CERT1: variants seen among roughly 807,000 people sequenced by gnomAD.
CERT1 encodes ceramide transfer protein.
CERT1 carries 31 observed loss-of-function variants against 87.9 expected under a neutral mutation model. The ratio of observed to expected loss-of-function variants is 0.35; its 90% CI spans 0.27 to 0.48. The LOEUF (loss-of-function observed/expected upper bound fraction) is 0.48. Among genes scored for constraint, CERT1 ranks in the 20% least tolerant of loss-of-function variants. CERT1 has a pLI of 0.99. For missense variants in CERT1, 487 were observed against 758.0 expected, an observed-to-expected ratio of 0.64 and a Z score of 4.20; for synonymous variants, 289 against 250.9, an observed-to-expected ratio of 1.15 and a Z score of -1.44.
chr5:75,503,904 A>ATTAAACATTAAATTTTT (rs1324645059), intron 2 of CERT1, among the ~76,000 whole-genome samples: 1 of 29,484 alleles, frequency 3.4e-5, no homozygotes, highest in African/African-American at 1.3e-4. Context: ...TTTAAATTAA[A>ATTAAACATTAAATTTTT]TGTTTAATTT....
chr5:75,447,439 A>T (rs189418630), intron 3 of CERT1, among the ~76,000 whole-genome samples: 8 of 136,100 alleles, frequency 5.9e-5, no homozygotes, highest in South Asian at 2.4e-4. Flanking sequence ...TTCCTTTTTT[A>T]AAAAAAATTT....
intron 3 of CERT1, among the ~76,000 whole-genome samples, chr5:75,458,621 G>C (rs2112309051): frequency 1.3e-5 from 2 of 151,264 alleles, no homozygotes; most frequent in African/African-American, 4.9e-5. Flanking sequence ...GCCCAATCTT[G>C]GCTTACCGCA....
chr5:75,386,594 T>C (rs1471863738), intron 12 of CERT1, among the ~76,000 whole-genome samples: 1 of 152,224 alleles, frequency 6.6e-6, no homozygotes, highest in African/African-American at 2.4e-5. Context: ...TTATAGAGTT[T>C]GCTACTTTAG....
Position 75,384,627 on chromosome 5 carries a change from T to TC in CERT1, c.1488+14_1488+15insG. On this transcript the variant is annotated intron_variant, in intron 14 of 16. Transcript: ENST00000643780. ...TACATTGAAATCCTTTTAGGATGAA[T>TC]GAAGAGATCTTTACCTTGTGTGTTT... 6.4e-7 allele frequency: 1 copy of TC among 1,556,474 alleles called. No homozygotes were observed.
At chr5:75,507,653 A>T (rs988405346) in intron 1 of CERT1, among the ~76,000 whole-genome samples, 1 of 152,232 alleles carries the variant, frequency 6.6e-6, no homozygotes, top group African/African-American at 2.4e-5. Flanking sequence ...ACTTCTGCTC[A>T]GAGTTAGTGT....
intron 3 of CERT1, among the ~76,000 whole-genome samples, chr5:75,456,308 A>G (rs1324019018): frequency 2.0e-5 from 3 of 152,168 alleles, no homozygotes; most frequent in African/African-American, 7.2e-5. Flanking sequence ...TTACTTTAGT[A>G]CATTAAATAA....
intron 2 of CERT1, among the ~76,000 whole-genome samples, chr5:75,460,279 C>T (rs532734176): frequency 4.8e-4 from 73 of 152,232 alleles, no homozygotes; most frequent in Middle Eastern, 6.8e-3. Flanking sequence ...AAAATGTTAA[C>T]ATTTCCCTTT....
intron 3 of CERT1, among the ~76,000 whole-genome samples, chr5:75,443,019 G>A (rs1764389243): frequency 6.6e-6 from 1 of 152,110 alleles, no homozygotes; most frequent in Admixed American, 6.6e-5. Flanking sequence ...TCCACTTGGG[G>A]TCTTGGAACA....
intron 11 of CERT1, 98 bp from the exon 12 acceptor site, chr5:75,389,785 C>G: frequency 1.1e-6 from 1 of 886,470 alleles, no homozygotes; most frequent in Non-Finnish European, 1.8e-6. Flanking sequence ...AAATGGTGCT[C>G]TTAGTAGCTG....
chr5:75,488,828 C>T (rs1265242298), intron 2 of CERT1, among the ~76,000 whole-genome samples: 1 of 152,170 alleles, frequency 6.6e-6, no homozygotes, highest in African/African-American at 2.4e-5. Context: ...TACCCAGTAT[C>T]CTTTTCAATG....
chr5:75,391,250 T>C (rs2112039342), intron 11 of CERT1, among the ~76,000 whole-genome samples: 1 of 152,346 alleles, frequency 6.6e-6, no homozygotes, highest in South Asian at 2.1e-4. Context: ...ACTCTGGGAA[T>C]ATAATTTTCT....
At chr5:75,470,154 G>A (rs888312511) in intron 2 of CERT1, among the ~76,000 whole-genome samples, 1 of 152,062 alleles carries the variant, frequency 6.6e-6, no homozygotes, top group Admixed American at 6.6e-5. Context: ...CATCTAGAGA[G>A]AAAATTAACA....
chr5:75,502,610 A>C (rs1215773730), intron 2 of CERT1, among the ~76,000 whole-genome samples: 1 of 152,114 alleles, frequency 6.6e-6, no homozygotes, highest in Non-Finnish European at 1.5e-5. Flanking sequence ...TGAAAGATAT[A>C]AACAAATCCT....
rs372235292 is a variant in CERT1, at chr5:75,426,444, C to T, written c.383G>A (p.Arg128His). The change falls in exon 4 of 17, where the codon CGT (arginine) becomes CAT (histidine). Residue 128 changes from arginine to histidine, a missense_variant. Physicochemically the swap from Arg to His is conservative, Grantham distance 29 (BLOSUM62 0). Coordinates refer to ENST00000643780, the MANE Select transcript of CERT1 (RefSeq NM_001379029.1). ...CAGGGACACCATTGAGCCATGTCGA[C>T]GCAAGCTGGATTCAGATCCATATCC... The part of the protein sequence containing the change: ...ESGYGSESSL[R>H]RHGSMVSLVS... 43 of 1,612,986 alleles carry T rather than the reference C, an allele frequency of 2.7e-5. No homozygotes were observed. The highest frequency in any genetic ancestry group is 3.4e-5 in the Non-Finnish European group (40 of 1,179,662).
intron 3 of CERT1, among the ~76,000 whole-genome samples, chr5:75,455,801 A>G (rs1478370665): frequency 6.6e-6 from 1 of 152,224 alleles, no homozygotes; most frequent in Non-Finnish European, 1.5e-5. Flanking sequence ...GAATTAACAC[A>G]AAATTGAATA....
At chr5:75,484,307 GA>G (rs141559253) in intron 2 of CERT1, among the ~76,000 whole-genome samples, 7 of 126,248 alleles carry the variant, frequency 5.5e-5, no homozygotes, top group South Asian at 2.4e-4. Flanking sequence ...AACATAAAAA[GA>G]AAAAAAAAAC....
At chr5:75,467,941 C>G (rs1239792511) in intron 2 of CERT1, among the ~76,000 whole-genome samples, 1 of 152,126 alleles carries the variant, frequency 6.6e-6, no homozygotes, top group African/African-American at 2.4e-5. Flanking sequence ...TAAGAATGTA[C>G]AATTACTTCT....
chr5:75,394,509 T>C (rs1762168224), intron 11 of CERT1, among the ~76,000 whole-genome samples: 1 of 151,792 alleles, frequency 6.6e-6, no homozygotes, highest in African/African-American at 2.4e-5. Flanking sequence ...TCTTAAAAAA[T>C]AAATAAAATA....
intron 17 of CERT1, chr5:75,368,808 G>GT (rs1485472874): frequency 3.3e-5 from 5 of 152,100 alleles, no homozygotes; most frequent in African/African-American, 1.2e-4. Context: ...AAGCCCCACT[G>GT]TAAGTTGAAA....
Sources: gnomAD v4.1 joint callset for allele counts (sites outside exome capture counted in the v4.1 genomes callset) on GRCh38, gnomAD v4.1.1 for gene constraint, MANE v1.5 for transcripts, NCBI Gene and HGNC (gene_info 2026-07-23, HGNC 2026-07-21) for gene names.